Variants in ZFAT observed in about 807,000 individuals in gnomAD.
The protein encoded by ZFAT is zinc finger protein ZFAT.
In ZFAT, 64 loss-of-function variants were observed where a neutral mutation model predicts 117.7. The observed-to-expected ratio is 0.54, with a 90% CI of 0.44 to 0.67. The LOEUF (loss-of-function observed/expected upper bound fraction) is 0.67. Among genes scored for constraint, ZFAT ranks in the 30% least tolerant of loss-of-function variants. The pLI, the probability that ZFAT is intolerant of heterozygous loss-of-function variation, is 0.00. For missense variants in ZFAT, 1,433 were observed against 1,584.5 expected, an observed-to-expected ratio of 0.90 and a Z score of 1.62; for synonymous variants, 679 against 615.0, an observed-to-expected ratio of 1.10 and a Z score of -1.54.
chr8:134,707,726 T>A (rs985329670), intron 1 of ZFAT, among the ~76,000 whole-genome samples: 6 of 152,222 alleles, frequency 3.9e-5, no homozygotes. Context: ...CAGCTTCCAC[T>A]GGCATCCTCT....
intron 15 of ZFAT, among the ~76,000 whole-genome samples, chr8:134,503,407 C>A (rs1416716783): frequency 6.6e-6 from 1 of 152,174 alleles, no homozygotes; most frequent in South Asian, 2.1e-4. Context: ...AGAATTTCAC[C>A]CTTGAAGCAA....
At chr8:134,517,151 T>G (rs1820311875) in intron 13 of ZFAT, among the ~76,000 whole-genome samples, 1 of 152,234 alleles carries the variant, frequency 6.6e-6, no homozygotes, top group Admixed American at 6.5e-5. Context: ...ATAACTGTTT[T>G]GAAGTCTCTT....
intron 11 of ZFAT, among the ~76,000 whole-genome samples, chr8:134,550,189 G>C (rs1293535606): frequency 6.6e-6 from 1 of 151,716 alleles, no homozygotes; most frequent in East Asian, 1.9e-4. Context: ...GAGTCCACCG[G>C]GCACCACCCA....
chr8:134,690,393 T>C (rs1833533135), intron 1 of ZFAT, among the ~76,000 whole-genome samples: 1 of 152,190 alleles, frequency 6.6e-6, no homozygotes, highest in South Asian at 2.1e-4. Flanking sequence ...AAGCTGACTG[T>C]GTGCTCAGGG....
chr8:134,655,922 C>T (rs140056248), intron 2 of ZFAT, among the ~76,000 whole-genome samples: 3,206 of 151,922 alleles, frequency 0.021, 117 homozygotes, highest in African/African-American at 0.071. Flanking sequence ...GGTGTGGTGG[C>T]GGGCACCTGT....
chr8:134,828,927 G>T, the ZFAT span, among the ~76,000 whole-genome samples: 1 of 152,180 alleles, frequency 6.6e-6, no homozygotes, highest in Non-Finnish European at 1.5e-5. Flanking sequence ...AAATTTCAAG[G>T]TAACGGTTTT....
intron 3 of ZFAT, among the ~76,000 whole-genome samples, chr8:134,631,287 G>A (rs1291575837): frequency 6.6e-6 from 1 of 152,178 alleles, no homozygotes; most frequent in African/African-American, 2.4e-5. Flanking sequence ...TCCACACAGG[G>A]TGCCACTTCC....
At chr8:134,774,774 G>A in the ZFAT span, among the ~76,000 whole-genome samples, 10 of 152,060 alleles carry the variant, frequency 6.6e-5, no homozygotes, top group South Asian at 2.1e-4. Context: ...CTTCTCATTC[G>A]CCAACTCTGT....
chr8:134,594,388 C>T (rs896258012), intron 7 of ZFAT, among the ~76,000 whole-genome samples: 9 of 152,208 alleles, frequency 5.9e-5, no homozygotes, highest in Admixed American at 3.9e-4. Context: ...AAAGTAGCTT[C>T]GTCTACCTTC....
rs775230353 is a variant in ZFAT at position 134,658,205 on chromosome 8, C to T, written c.20-468G>A. 7.9e-5 allele frequency among the ~76,000 whole-genome samples: 12 copies of T among 152,160 alleles called. No homozygotes were observed. The South Asian group carries it at 1.5e-3, about 18-fold the overall frequency. On this transcript the variant is annotated intron_variant, in intron 1 of 15. Coordinates refer to ENST00000377838, the MANE Select transcript of ZFAT (RefSeq NM_020863.4). ...ACAAAAAATTAGCCAGGCATGGCAGCGTGCACCTGTAGGCCCAGCTACTCG... is the reference window on the plus strand; with the variant it reads ...ACAAAAAATTAGCCAGGCATGGCAGTGTGCACCTGTAGGCCCAGCTACTCG...
intron 1 of ZFAT, among the ~76,000 whole-genome samples, chr8:134,674,449 G>A (rs547269298): frequency 1.3e-5 from 2 of 152,290 alleles, no homozygotes; most frequent in South Asian, 2.1e-4. Flanking sequence ...CTGAGTAGGC[G>A]GTTTTACCCT....
At chr8:134,561,305 A>G (rs1386842770) in intron 11 of ZFAT, among the ~76,000 whole-genome samples, 2 of 152,262 alleles carry the variant, frequency 1.3e-5, no homozygotes, top group Non-Finnish European at 2.9e-5. Context: ...AAAATTGCAT[A>G]TAAGCTCTCC....
chr8:134,712,880 G>A lies in ZFAT; in HGVS notation c.-17C>T, dbSNP rs1216038683. On this transcript the variant is annotated 5_prime_UTR_variant, in exon 1 of 16. Coordinates refer to ENST00000377838, the MANE Select transcript of ZFAT (RefSeq NM_020863.4). ...CGTCTCCATGGCAACGCCCCACCGC[G>A]GAGGAAAAAAAAGCCTCGGGCTCTT... 4.3e-6 allele frequency: 6 copies of A among 1,399,912 alleles called. No homozygotes were observed. Among genetic ancestry groups the A allele is most frequent in the African/African-American group, 1.5e-5 (1 of 64,534 alleles). The allele number at this position is 1,399,912 out of a possible 1,614,324, so 86.7% of individuals were successfully genotyped here. A position where few individuals can be genotyped will look rare whatever the true frequency, so the allele number is the denominator to read the frequency against.
At chr8:134,627,685 A>G (rs1289554206) in intron 3 of ZFAT, among the ~76,000 whole-genome samples, 1 of 152,200 alleles carries the variant, frequency 6.6e-6, no homozygotes, top group Non-Finnish European at 1.5e-5. Flanking sequence ...TAGATATTGT[A>G]CAGTTCTTGT....
At chr8:134,627,157 A>G (rs911623663) in intron 3 of ZFAT, among the ~76,000 whole-genome samples, 8 of 152,342 alleles carry the variant, frequency 5.3e-5, no homozygotes, top group Non-Finnish European at 1.0e-4. Context: ...GCCCACCGGC[A>G]GGAAGCAGCC....
At chr8:134,548,537 T>G (rs1249458250) in intron 11 of ZFAT, among the ~76,000 whole-genome samples, 1 of 152,240 alleles carries the variant, frequency 6.6e-6, no homozygotes, top group Non-Finnish European at 1.5e-5. Flanking sequence ...CAGAAGCCAC[T>G]GAAGTGACAA....
chr8:134,772,184 G>A, the ZFAT span, among the ~76,000 whole-genome samples: 1 of 152,174 alleles, frequency 6.6e-6, no homozygotes. Context: ...TCAAATGAAT[G>A]GAAGAGTCAC....
At chr8:134,586,542 T>C (rs1219517944) in intron 9 of ZFAT, among the ~76,000 whole-genome samples, 1 of 152,252 alleles carries the variant, frequency 6.6e-6, no homozygotes, top group Non-Finnish European at 1.5e-5. Context: ...TATAAGCCCA[T>C]GGTCTCCAGC....
At chr8:134,515,576 T>C (rs1273842764) in intron 13 of ZFAT, among the ~76,000 whole-genome samples, 1 of 152,262 alleles carries the variant, frequency 6.6e-6, no homozygotes, top group East Asian at 1.9e-4. Flanking sequence ...ATGAGCTTTT[T>C]TTCATATGTT....
Sources: gnomAD v4.1 joint callset for allele counts (sites outside exome capture counted in the v4.1 genomes callset) on GRCh38, gnomAD v4.1.1 for gene constraint, MANE v1.5 for transcripts, NCBI Gene and HGNC (gene_info 2026-07-23, HGNC 2026-07-21) for gene names.